SLC22A25: variants seen among roughly 807,000 people sequenced by gnomAD.
SLC22A25 encodes MGI:2442751, MGI:2385316, MGI:3042283, MGI:3645714, MGI:3605624, MGI:2442750.
Under a neutral mutation model 45.9 loss-of-function variants are expected in SLC22A25, and 44 were observed. The ratio of observed to expected loss-of-function variants is 0.96; its 90% CI spans 0.75 to 1.23. The LOEUF is 1.23. Among genes scored for constraint, SLC22A25 ranks in the 50% most tolerant of loss-of-function variants. The pLI, the probability that SLC22A25 is intolerant of heterozygous loss-of-function variation, is 0.00. For missense variants in SLC22A25, 800 were observed against 666.4 expected, an observed-to-expected ratio of 1.20 and a Z score of -2.21; for synonymous variants, 283 against 238.6, an observed-to-expected ratio of 1.19 and a Z score of -1.72.
chr11:63,224,970 G>A (rs965066318), intron 5 of SLC22A25, among the ~76,000 whole-genome samples: 3 of 152,072 alleles, frequency 2.0e-5, no homozygotes, highest in Non-Finnish European at 4.4e-5. Flanking sequence ...GTGGTGGCGG[G>A]CGCCTGTAGT....
intron 9 of SLC22A25, among the ~76,000 whole-genome samples, chr11:63,178,529 A>G (rs956140572): frequency 6.7e-6 from 1 of 148,750 alleles, no homozygotes; most frequent in Non-Finnish European, 1.5e-5. Flanking sequence ...ATAATATCTT[A>G]TTGTGGTTTT....
intron 9 of SLC22A25, among the ~76,000 whole-genome samples, chr11:63,171,446 C>T (rs1424109629): frequency 6.6e-6 from 1 of 152,148 alleles, no homozygotes; most frequent in Non-Finnish European, 1.5e-5. Context: ...AGCTGATAAG[C>T]AACTTCAGCA....
intron 7 of SLC22A25, among the ~76,000 whole-genome samples, chr11:63,211,519 C>T (rs1489671203): frequency 6.6e-6 from 1 of 152,088 alleles, no homozygotes; most frequent in Non-Finnish European, 1.5e-5. Flanking sequence ...TATTTGCCTG[C>T]CAGTGGGGGC....
chr11:63,174,568 C>T (rs950401407), intron 9 of SLC22A25, among the ~76,000 whole-genome samples: 1 of 152,100 alleles, frequency 6.6e-6, no homozygotes, highest in Non-Finnish European at 1.5e-5. Flanking sequence ...CTTCTTTTTC[C>T]CTTAGGGCAG....
At position 63,165,301 on chromosome 11, in the gene SLC22A25, T is replaced by TA. The variant is rs35866281; in HGVS notation, c.1286-668_1286-667insT. Among the ~76,000 whole-genome samples, 6 of 129,600 alleles carry TA rather than the reference T, an allele frequency of 4.6e-5. No individual in the cohort carries two copies. In the East Asian group the frequency reaches 8.6e-4, roughly 19 times the overall value. 85.0% of individuals were successfully genotyped at this position (129,600 alleles called of 152,430 possible). On this transcript the variant is annotated intron_variant, in intron 10 of 11. Transcript: ENST00000306494. ...TGGGTTCTGTTGCATTGCACCAGAC[T>TA]GGTATCACTGCTGACATTCAAGAGG...
At chr11:63,178,018 C>T (rs141576114) in intron 9 of SLC22A25, among the ~76,000 whole-genome samples, 2,941 of 150,148 alleles carry the variant, frequency 0.02, 41 homozygotes, top group Middle Eastern at 0.042. Flanking sequence ...TGGGACTACA[C>T]ATATGTGCCA....
chr11:63,226,620 C>A (rs577871198), intron 5 of SLC22A25, among the ~76,000 whole-genome samples: 58 of 152,190 alleles, frequency 3.8e-4, no homozygotes, highest in Admixed American at 9.2e-4. Context: ...GGGTCTTGGC[C>A]AAGGCCCAAG....
At position 63,219,608 on chromosome 11, in the gene SLC22A25, T is replaced by A. The variant is rs183445700; in HGVS notation, c.507-1873A>T. 4.6e-5 allele frequency among the ~76,000 whole-genome samples: 7 copies of A among 152,294 alleles called. 1 individual carries two copies. Among genetic ancestry groups the A allele is most frequent in the Admixed American group, 4.6e-4 (7 of 15,292 alleles). On this transcript the variant is annotated intron_variant, in intron 5 of 11. Transcript: ENST00000306494. ...TGGGGATATCATGAACAGTTGAGTG[T>A]GTTATATCCAAAGTATCAATTTGAT...
In SLC22A25 at chr11:63,228,464, T is replaced by G; in HGVS notation, c.503A>C (p.Asp168Ala). Residue 168 changes from aspartate (D) to alanine (A), a missense_variant, in exon 5 of 12, where the codon GAC becomes GCC. Physicochemically the swap from Asp to Ala is moderately radical, Grantham distance 126. Transcript: ENST00000306494. ...VGGNLYGHLS[D>A]RFGRKFVLRW... ...GCTATGCTCCATAGACACTCACCTG[T>G]CTGACAAATGGCCATATAGGTTGCC... 1 of 1,607,520 alleles carries G rather than the reference T, an allele frequency of 6.2e-7. No individual in the cohort carries two copies. Among genetic ancestry groups the G allele is most frequent in the East Asian group, 2.2e-5 (1 of 44,842 alleles).
At chr11:63,166,489 G>A in intron 9 of SLC22A25, 1 of 1,299,374 alleles carries the variant, frequency 7.7e-7, no homozygotes, top group South Asian at 2.3e-5. Context: ...TGGAGGATGT[G>A]CTATGGGGTT....
Position 63,217,451 on chromosome 11 carries a change from G to A in SLC22A25, c.693C>T (p.Ala231=). ...IVEWITHQFC[A]MALTLTLCAA... ...CACAAAGTGTCAATGTCAATGCCAT[G>A]GCACAGAATTGGTGAGTTATCCACT... is the stretch of plus-strand genomic sequence containing the variant. The change falls in exon 7 of 12, where the codon GCC becomes GCT. Residue 231 remains alanine, a synonymous_variant. Coordinates refer to ENST00000306494, the MANE Select transcript of SLC22A25 (RefSeq NM_199352.6). 1 of 1,614,028 alleles carries A rather than the reference G, an allele frequency of 6.2e-7. No individual in the cohort carries two copies.
At chr11:63,202,384 G>A (rs541909518) in intron 7 of SLC22A25, among the ~76,000 whole-genome samples, 1 of 152,280 alleles carries the variant, frequency 6.6e-6, no homozygotes, top group African/African-American at 2.4e-5. Flanking sequence ...ATGGAGCCAA[G>A]CAAGCTAAGA....
chr11:63,205,720 G>T (rs2089382987), intron 7 of SLC22A25, among the ~76,000 whole-genome samples: 1 of 152,124 alleles, frequency 6.6e-6, no homozygotes, highest in South Asian at 2.1e-4. Flanking sequence ...AATTCTACCA[G>T]AGGTACAAAG....
intron 9 of SLC22A25, among the ~76,000 whole-genome samples, chr11:63,180,160 A>G (rs1848509622): frequency 6.6e-6 from 1 of 152,130 alleles, no homozygotes; most frequent in Admixed American, 6.6e-5. Flanking sequence ...ATTTTTGTCC[A>G]GTCATTATTT....
intron 7 of SLC22A25, among the ~76,000 whole-genome samples, chr11:63,193,100 C>G (rs1449927155): frequency 6.6e-6 from 1 of 152,158 alleles, no homozygotes; most frequent in East Asian, 1.9e-4. Context: ...CACCCCTCAG[C>G]AAATGCAAAA....
chr11:63,229,070 G>T (rs563775872), intron 4 of SLC22A25, among the ~76,000 whole-genome samples, 181 bp downstream of exon 4: 1 of 152,256 alleles, frequency 6.6e-6, no homozygotes, highest in Non-Finnish European at 1.5e-5. Context: ...ATCTACTTTT[G>T]AATTCATTAG....
At position 63,183,867 on chromosome 11, in the gene SLC22A25, T is replaced by C. The variant is rs762720967; in HGVS notation, c.831-50A>G. ...GCAGCCAACCACTACTTACTCATTT[T>C]TTCACATAACATTTATCCTGAGATG... On this transcript the variant is annotated intron_variant, in intron 7 of 11. Transcript: ENST00000306494. 5 of 1,609,534 alleles carry C rather than the reference T, an allele frequency of 3.1e-6. No individual in the cohort carries two copies. The African/African-American group carries it at 5.4e-5, about 17-fold the overall frequency.
intron 3 of SLC22A25, among the ~76,000 whole-genome samples, chr11:63,232,916 G>A (rs1681604513): frequency 6.6e-6 from 1 of 152,122 alleles, no homozygotes; most frequent in African/African-American, 2.4e-5. Context: ...CTTTGGTTCT[G>A]TTTTTATGCT....
intron 9 of SLC22A25, among the ~76,000 whole-genome samples, chr11:63,168,411 A>G (rs534937939): frequency 6.6e-5 from 10 of 152,340 alleles, no homozygotes; most frequent in Admixed American, 2.6e-4. Flanking sequence ...AAGGAAGTTA[A>G]GAACCTTAAT....
Sources: gnomAD v4.1 joint callset for allele counts (sites outside exome capture counted in the v4.1 genomes callset) on GRCh38, gnomAD v4.1.1 for gene constraint, MANE v1.5 for transcripts, NCBI Gene and HGNC (gene_info 2026-07-23, HGNC 2026-07-21) for gene names.